PPP1R42: variants seen among roughly 807,000 people sequenced by gnomAD.
PPP1R42 encodes leucine rich repeat containing 67.
A neutral mutation model predicts 31.0 loss-of-function variants in PPP1R42; 34 were observed. That is an observed-to-expected ratio of 1.10 (90% confidence interval 0.83 to 1.46). The LOEUF (loss-of-function observed/expected upper bound fraction) is 1.46. PPP1R42 is among the 40% of genes most tolerant of loss of function. PPP1R42 has a pLI of 0.00. For missense variants in PPP1R42, 268 were observed against 303.0 expected, an observed-to-expected ratio of 0.88 and a Z score of 0.86; for synonymous variants, 103 against 109.8, an observed-to-expected ratio of 0.94 and a Z score of 0.39.
chr8:67,021,134 A>G (rs1398678493), intron 1 of PPP1R42: 1 of 152,214 alleles, frequency 6.6e-6, no homozygotes, highest in Non-Finnish European at 1.5e-5. Flanking sequence ...TCCAGTGTAT[A>G]TGGAATTTAA....
At chr8:67,006,179 T>C (rs921557251) in intron 5 of PPP1R42, among the ~76,000 whole-genome samples, 11 of 152,258 alleles carry the variant, frequency 7.2e-5, no homozygotes, top group African/African-American at 2.7e-4. Flanking sequence ...GTTCTTTCCC[T>C]AGCTCTTTGC....
chr8:67,024,729 G>A (rs1198148402), intron 1 of PPP1R42, among the ~76,000 whole-genome samples: 3 of 151,468 alleles, frequency 2.0e-5, no homozygotes, highest in East Asian at 1.9e-4. Flanking sequence ...CACCCACCTC[G>A]GCCTCCCAGA....
intron 7 of PPP1R42, among the ~76,000 whole-genome samples, chr8:66,978,365 G>A: frequency 6.6e-6 from 1 of 152,136 alleles, no homozygotes; most frequent in East Asian, 1.9e-4. Flanking sequence ...CACAACACAT[G>A]GGAATTATGG....
chr8:67,003,043 T>C (rs563949266), intron 5 of PPP1R42, among the ~76,000 whole-genome samples: 1 of 150,094 alleles, frequency 6.7e-6, no homozygotes, highest in African/African-American at 2.4e-5. Flanking sequence ...CGGGTGCCTG[T>C]AATCCCAGCT....
intron 5 of PPP1R42, among the ~76,000 whole-genome samples, chr8:66,999,062 T>C (rs1022691824): frequency 2.0e-5 from 3 of 152,136 alleles, no homozygotes; most frequent in Admixed American, 2.0e-4. Context: ...TTTCTTTCTT[T>C]TTTCTTTCTG....
At chr8:66,976,724 C>A (rs141794998) in intron 7 of PPP1R42, among the ~76,000 whole-genome samples, 1 of 151,574 alleles carries the variant, frequency 6.6e-6, no homozygotes, top group Non-Finnish European at 1.5e-5. Context: ...CGCGTTGTTG[C>A]GAATAACAGG....
At chr8:66,988,221 T>C in intron 6 of PPP1R42, 179 bp downstream of exon 6, 1 of 1,236,206 alleles carries the variant, frequency 8.1e-7, no homozygotes, top group Non-Finnish European at 1.0e-6. Context: ...ACAGCAGATG[T>C]TTTTCATGCT....
intron 7 of PPP1R42, among the ~76,000 whole-genome samples, chr8:66,966,521 C>T (rs1243512906): frequency 6.6e-6 from 1 of 152,124 alleles, no homozygotes; most frequent in Non-Finnish European, 1.5e-5. Context: ...TGCGGTGGTT[C>T]ACGCCTGTAA....
At chr8:66,997,665 G>A (rs1815371634) in intron 5 of PPP1R42, among the ~76,000 whole-genome samples, 2 of 150,442 alleles carry the variant, frequency 1.3e-5, no homozygotes, top group East Asian at 3.9e-4. Flanking sequence ...TCCCACCTCA[G>A]CCTTTTGGGT....
intron 5 of PPP1R42, among the ~76,000 whole-genome samples, chr8:67,008,107 C>T (rs761022313): frequency 1.3e-5 from 2 of 152,040 alleles, no homozygotes; most frequent in Non-Finnish European, 2.9e-5. Context: ...AGGTTCGTCT[C>T]GATCTCCTGA....
chr8:66,987,745 A>C (rs1399293010), intron 6 of PPP1R42, among the ~76,000 whole-genome samples: 1 of 152,160 alleles, frequency 6.6e-6, no homozygotes, highest in Non-Finnish European at 1.5e-5. Flanking sequence ...AGTAAACCAA[A>C]TATGTGGATT....
At chr8:67,018,342 T>A (rs1816082318) in intron 1 of PPP1R42, among the ~76,000 whole-genome samples, 1 of 151,946 alleles carries the variant, frequency 6.6e-6, no homozygotes. Context: ...GGTCTCGAAC[T>A]CCTGAGCTCA....
intron 2 of PPP1R42, among the ~76,000 whole-genome samples, chr8:67,016,306 G>A (rs1363532672): frequency 1.3e-5 from 2 of 152,194 alleles, no homozygotes; most frequent in East Asian, 3.8e-4. Context: ...GATTTAGAGT[G>A]ATGTGAAACA....
In PPP1R42 at chr8:66,966,642, G is replaced by A. The variant is rs180772845; in HGVS notation, c.803-2308C>T. Among the ~76,000 whole-genome samples, 10 of 151,910 alleles carry A rather than the reference G, an allele frequency of 6.6e-5. No homozygotes were observed. In the South Asian group the frequency reaches 1.2e-3, roughly 19 times the overall value. ...CTACTAAAAACACAAAAAACTGGCC[G>A]GGCGTGGTGGCAGGCGCCTGTAGTC... On this transcript the variant is annotated intron_variant, in intron 7 of 7. Transcript: ENST00000685739.
At chr8:67,018,305 A>T (rs1473965822) in intron 1 of PPP1R42, among the ~76,000 whole-genome samples, 2 of 151,674 alleles carry the variant, frequency 1.3e-5, no homozygotes, top group Non-Finnish European at 2.9e-5. Context: ...TTTAGTAGAG[A>T]TGGGTTTTCA....
chr8:67,017,716 C>A lies in PPP1R42; in HGVS notation c.32G>T (p.Arg11Ile). Residue 11 changes from arginine to isoleucine, a missense_variant, in exon 2 of 8, where the codon AGA becomes ATA. Arg to Ile is a moderately conservative substitution (Grantham distance 97, BLOSUM62 -3). Coordinates refer to ENST00000685739, the MANE Select transcript of PPP1R42 (RefSeq NM_001364910.1). ...TTTTCGGGGTTTAAGATTGCTGTTT[C>A]TGGCAATTAGATCCAAGGTCAGTCG... MVRLTLDLIA[R>I]NSNLKPRKEE... 1 of 1,599,340 alleles carries A rather than the reference C, an allele frequency of 6.3e-7. No individual in the cohort carries two copies. Among genetic ancestry groups the A allele is most frequent in the South Asian group, 1.1e-5 (1 of 87,092 alleles).
chr8:66,985,787 C>T (rs1347503074), intron 6 of PPP1R42: 11 of 1,218,678 alleles, frequency 9.0e-6, no homozygotes, highest in East Asian at 2.3e-5. Context: ...CATTTTGCTG[C>T]GTCCATCATC....
rs200787443 is a variant in PPP1R42 at position 66,988,385 on chromosome 8, A to G, written c.670+15T>C. The G allele has an allele frequency of 7.1e-4, 983 of 1,391,650 alleles. 2 individuals carry two copies. Among genetic ancestry groups the G allele is most frequent in the Non-Finnish European group, 8.8e-4 (940 of 1,070,752 alleles). 86.2% of individuals were successfully genotyped at this position (1,391,650 alleles called of 1,614,324 possible). A position where few individuals can be genotyped will look rare whatever the true frequency, so the allele number is the denominator to read the frequency against. ...GTGTCATTCTCTTAAAAATTATATT[A>G]ATATAAATATGTACCCAGTGATTTG... On this transcript the variant is annotated intron_variant, in intron 6 of 7. Transcript: ENST00000685739.
At chr8:67,021,486 A>G (rs1816214044) in intron 1 of PPP1R42, 1 of 152,182 alleles carries the variant, frequency 6.6e-6, no homozygotes, top group Non-Finnish European at 1.5e-5. Context: ...TTTTCAGACC[A>G]CATTTCAAAT....
Sources: allele counts gnomAD v4.1 joint callset (sites outside exome capture counted in the v4.1 genomes callset), GRCh38; gene constraint gnomAD v4.1.1; transcripts MANE v1.5; gene names NCBI Gene and HGNC (gene_info 2026-07-23, HGNC 2026-07-21).